KIAA1958: variants seen among roughly 807,000 people sequenced by gnomAD.
The protein encoded by KIAA1958 is uncharacterized protein KIAA1958.
KIAA1958 carries 14 observed loss-of-function variants against 47.2 expected under a neutral mutation model. The ratio of observed to expected loss-of-function variants is 0.30; its 90% CI spans 0.20 to 0.46. The LOEUF (loss-of-function observed/expected upper bound fraction) is 0.46, where lower values mean the gene tolerates loss of function less well. Ranked by LOEUF, KIAA1958 falls within the 20% of genes least tolerant of loss-of-function variation. The probability of loss-of-function intolerance (pLI) is 1.00; values close to 1 mark genes in which losing one functional copy is unlikely to be tolerated. For synonymous variants in KIAA1958, 354 were observed against 353.3 expected, an observed-to-expected ratio of 1.00 and a Z score of -0.02; for missense variants, 803 against 909.2, an observed-to-expected ratio of 0.88 and a Z score of 1.50.
intron 1 of KIAA1958, among the ~76,000 whole-genome samples, chr9:112,517,838 T>A (rs927223709): frequency 6.6e-6 from 1 of 152,220 alleles, no homozygotes; most frequent in African/African-American, 2.4e-5. Context: ...AGATGTTCGA[T>A]GTCATTGAAA....
chr9:112,532,704 C>G (rs1294680909), intron 1 of KIAA1958, among the ~76,000 whole-genome samples: 1 of 152,208 alleles, frequency 6.6e-6, no homozygotes, highest in East Asian at 1.9e-4. Context: ...GGGATTAGTT[C>G]CTCCAGTTTG....
rs1049938381 is a variant in KIAA1958, at chr9:112,661,077, A to G, written c.*1008A>G. On this transcript the variant is annotated 3_prime_UTR_variant, in exon 4 of 4. Transcript: ENST00000337530. ...AGCTGCAAAAAACACAGATCCCCAA[A>G]CTTTCTTTATTAAAGAGATTTGGAA... 1.3e-5 allele frequency: 2 copies of G among 152,156 alleles called. No individual in the cohort carries two copies. The highest frequency in any genetic ancestry group is 6.6e-5 in the Admixed American group (1 of 15,266). The allele number at this position is 152,156 out of a possible 1,614,324, so 9.4% of individuals were successfully genotyped here.
chr9:112,498,816 C>G (rs898413489), intron 1 of KIAA1958, among the ~76,000 whole-genome samples: 1 of 152,138 alleles, frequency 6.6e-6, no homozygotes, highest in African/African-American at 2.4e-5. Context: ...CATATTCATC[C>G]TACAGTACTG....
intron 1 of KIAA1958, among the ~76,000 whole-genome samples, chr9:112,487,669 T>C (rs1833886082): frequency 6.6e-6 from 1 of 152,130 alleles, no homozygotes; most frequent in South Asian, 2.1e-4. Context: ...CGCTCCCTTA[T>C]TTATTGTTTC....
chr9:112,554,343 C>T (rs1835205774), intron 1 of KIAA1958, among the ~76,000 whole-genome samples: 1 of 151,870 alleles, frequency 6.6e-6, no homozygotes, highest in Admixed American at 6.6e-5. Context: ...ACTAAAAATA[C>T]AAAAATCAGC....
At chr9:112,600,675 T>C (rs1836116260) in intron 2 of KIAA1958, among the ~76,000 whole-genome samples, 1 of 152,216 alleles carries the variant, frequency 6.6e-6, no homozygotes, top group African/African-American at 2.4e-5. Flanking sequence ...ATTAAATACA[T>C]GAATGCCTGA....
At chr9:112,649,088 A>G (rs948225782) in intron 3 of KIAA1958, among the ~76,000 whole-genome samples, 1 of 152,262 alleles carries the variant, frequency 6.6e-6, no homozygotes, top group Non-Finnish European at 1.5e-5. Flanking sequence ...TATTTTACTT[A>G]GAGAAGAAAA....
chr9:112,618,487 C>G lies in KIAA1958; in HGVS notation c.1172-27163C>G, dbSNP rs533181215. On this transcript the variant is annotated intron_variant, in intron 2 of 3. Coordinates refer to ENST00000337530, the MANE Select transcript of KIAA1958 (RefSeq NM_133465.4). This position sits in a 1 kb window ranked among gnomAD's most constrained non-coding sequence, Gnocchi z 7.1. ...ACACTGGAGACTTGAATGCCAAAAC[C>G]AAGAGAGGGGGGACAGACTCCCGTG... The G allele has an allele frequency of 5.8e-6, 9 of 1,550,758 alleles. No homozygotes were observed. The African/African-American group carries it at 9.6e-5, about 16-fold the overall frequency.
At chr9:112,528,656 G>T (rs1215522702) in intron 1 of KIAA1958, among the ~76,000 whole-genome samples, 1 of 152,084 alleles carries the variant, frequency 6.6e-6, no homozygotes, top group African/African-American at 2.4e-5. Context: ...CCAAGTAGCT[G>T]GGATAGGCAC....
intron 2 of KIAA1958, among the ~76,000 whole-genome samples, chr9:112,589,516 C>T (rs537248270): frequency 2.8e-4 from 43 of 152,244 alleles, no homozygotes; most frequent in South Asian, 1.2e-3. Flanking sequence ...CACTTGAACC[C>T]GGGAGGTGGA....
At chr9:112,577,639 C>G (rs920265851) in intron 2 of KIAA1958, among the ~76,000 whole-genome samples, 7 of 151,530 alleles carry the variant, frequency 4.6e-5, no homozygotes, top group African/African-American at 9.7e-5. Flanking sequence ...TACCTTTTCA[C>G]TAATCCCTGC....
At chr9:112,507,234 G>A (rs2132773393) in intron 1 of KIAA1958, among the ~76,000 whole-genome samples, 1 of 152,274 alleles carries the variant, frequency 6.6e-6, no homozygotes, top group Middle Eastern at 3.4e-3. Context: ...CTCTCAAATA[G>A]CCCCTGTATC....
At chr9:112,571,205 C>T (rs896634645) in intron 1 of KIAA1958, among the ~76,000 whole-genome samples, 5 of 152,200 alleles carry the variant, frequency 3.3e-5, no homozygotes, top group African/African-American at 4.8e-5. Flanking sequence ...CTTCCTTAAT[C>T]CAGTCAAATT....
intron 1 of KIAA1958, among the ~76,000 whole-genome samples, chr9:112,492,298 T>A (rs1029769199): frequency 6.6e-6 from 1 of 152,236 alleles, no homozygotes; most frequent in Non-Finnish European, 1.5e-5. Context: ...TGGCTTCACT[T>A]GGTCTTCCCT....
At chr9:112,497,828 TG>T (rs1834070105) in intron 1 of KIAA1958, among the ~76,000 whole-genome samples, 1 of 152,216 alleles carries the variant, frequency 6.6e-6, no homozygotes, top group African/African-American at 2.4e-5. Context: ...CTAACATATT[TG>T]TATGATTAGA....
intron 1 of KIAA1958, among the ~76,000 whole-genome samples, chr9:112,568,298 G>A (rs544346607): frequency 6.6e-6 from 1 of 152,214 alleles, no homozygotes; most frequent in East Asian, 1.9e-4. Flanking sequence ...AAACCGTGAT[G>A]GGTCATCACT....
intron 2 of KIAA1958, among the ~76,000 whole-genome samples, chr9:112,614,696 T>A (rs996611762): frequency 3.3e-5 from 5 of 152,234 alleles, no homozygotes; most frequent in Non-Finnish European, 5.9e-5. Flanking sequence ...TTGTCTTTAG[T>A]TTTATTTTCC....
intron 2 of KIAA1958, among the ~76,000 whole-genome samples, chr9:112,587,633 G>A: frequency 6.6e-6 from 1 of 152,126 alleles, no homozygotes; most frequent in South Asian, 2.1e-4. Flanking sequence ...TGCTTTTTTA[G>A]TACTGCCTTA....
chr9:112,519,351 A>G (rs1264922900), intron 1 of KIAA1958, among the ~76,000 whole-genome samples: 2 of 152,198 alleles, frequency 1.3e-5, no homozygotes, highest in Non-Finnish European at 1.5e-5. Context: ...TTTCTTTATG[A>G]TGTCTGAACT....
Sources: allele counts gnomAD v4.1 joint callset (sites outside exome capture counted in the v4.1 genomes callset), GRCh38; gene constraint gnomAD v4.1.1; non-coding constraint Gnocchi (gnomAD v3.1); transcripts MANE v1.5; gene names NCBI Gene and HGNC (gene_info 2026-07-23, HGNC 2026-07-21).